Variants in ATP8A2 observed in about 807,000 individuals in gnomAD.
The protein encoded by ATP8A2 is phospholipid-transporting ATPase IB.
ATP8A2 carries 100 observed loss-of-function variants against 165.6 expected under a neutral mutation model. The ratio of observed to expected loss-of-function variants is 0.60; its 90% CI spans 0.51 to 0.71. ATP8A2 has a LOEUF of 0.71. Ranked by LOEUF, ATP8A2 falls within the 30% of genes least tolerant of loss-of-function variation. The pLI is 0.00. For synonymous variants in ATP8A2, 543 were observed against 548.8 expected, an observed-to-expected ratio of 0.99 and a Z score of 0.15; for missense variants, 1,227 against 1,479.5, an observed-to-expected ratio of 0.83 and a Z score of 2.80.
chr13:25,479,771 GACACAGC>G (rs1452195675), intron 2 of ATP8A2, among the ~76,000 whole-genome samples: 5 of 151,982 alleles, frequency 3.3e-5, no homozygotes, highest in African/African-American at 1.2e-4. Context: ...ACCCTGAGTG[GACACAGC>G]ACATGTTTCA....
Position 25,579,957 on chromosome 13 carries a change from C to T in ATP8A2, c.2007+10C>T, listed in dbSNP as rs748224970. Reference sequence around the variant, plus strand: ...CGAGATCATTGAGAAGGTAACCGCACACAATACAGTCTTTTCAGCTCCATG... The same window carrying T: ...CGAGATCATTGAGAAGGTAACCGCATACAATACAGTCTTTTCAGCTCCATG... On this transcript the variant is annotated intron_variant, in intron 22 of 36. Coordinates refer to ENST00000381655, the MANE Select transcript of ATP8A2 (RefSeq NM_016529.6). 2 of 1,613,764 alleles carry T rather than the reference C, an allele frequency of 1.2e-6. No individual in the cohort carries two copies. The highest frequency in any genetic ancestry group is 1.7e-6 in the Non-Finnish European group (2 of 1,179,842).
chr13:25,933,160 G>A (rs1377546365), intron 33 of ATP8A2, among the ~76,000 whole-genome samples: 8 of 152,166 alleles, frequency 5.3e-5, no homozygotes, highest in Admixed American at 4.6e-4. Flanking sequence ...TGCCCTGTGT[G>A]TGGATTTTTA....
chr13:25,876,753 G>C (rs542311241), intron 33 of ATP8A2, among the ~76,000 whole-genome samples: 1 of 152,246 alleles, frequency 6.6e-6, no homozygotes, highest in South Asian at 2.1e-4. Flanking sequence ...CGTTTAAAAT[G>C]AATCCTTAAT....
intron 1 of ATP8A2, among the ~76,000 whole-genome samples, chr13:25,446,374 T>C (rs933748526): frequency 2.0e-5 from 3 of 152,232 alleles, no homozygotes; most frequent in Non-Finnish European, 4.4e-5. Flanking sequence ...AATCTCTTCA[T>C]GTATCTGCTC....
chr13:25,711,781 T>C lies in ATP8A2; in HGVS notation c.2384+12436T>C, dbSNP rs80234251. The stretch of plus-strand genomic sequence containing the variant: ...GACTATGATCCAGATTTATAGTCAT[T>C]TAAGAGTTAGAATCTGTAATTCTTA... On this transcript the variant is annotated intron_variant, in intron 25 of 36. Coordinates refer to ENST00000381655, the MANE Select transcript of ATP8A2 (RefSeq NM_016529.6). Among the ~76,000 whole-genome samples, 76 of 152,276 alleles carry C rather than the reference T, an allele frequency of 5.0e-4. No homozygotes were observed. The Middle Eastern group carries it at 0.027, about 55-fold the overall frequency.
chr13:26,000,207 CTG>C (rs1956606064), intron 35 of ATP8A2, among the ~76,000 whole-genome samples: 4 of 152,172 alleles, frequency 2.6e-5, no homozygotes, highest in African/African-American at 4.8e-5. Context: ...CCTGTCACAT[CTG>C]TGTTTTGCAG....
chr13:25,648,891 A>G, intron 24 of ATP8A2: 1 of 407,206 alleles, frequency 2.5e-6, no homozygotes, highest in South Asian at 1.8e-5. Context: ...TTGAATCCAC[A>G]GATGTGGAAC....
At chr13:25,532,841 A>G (rs1052420840) in intron 5 of ATP8A2, among the ~76,000 whole-genome samples, 1 of 151,764 alleles carries the variant, frequency 6.6e-6, no homozygotes, top group Non-Finnish European at 1.5e-5. Flanking sequence ...TAATTTTTGT[A>G]TTTTTGGTAG....
chr13:25,933,821 G>A (rs1026150173), intron 33 of ATP8A2, among the ~76,000 whole-genome samples: 3 of 152,206 alleles, frequency 2.0e-5, no homozygotes, highest in Non-Finnish European at 4.4e-5. Flanking sequence ...GAGCTTGGCT[G>A]CAGCTAATTT....
intron 24 of ATP8A2, among the ~76,000 whole-genome samples, chr13:25,618,430 T>G (rs1377537093): frequency 2.6e-5 from 4 of 151,744 alleles, no homozygotes; most frequent in Non-Finnish European, 5.9e-5. Flanking sequence ...AGGAAAGATT[T>G]GTCATTTTCG....
At chr13:25,742,514 C>G (rs2138152438) in intron 25 of ATP8A2, among the ~76,000 whole-genome samples, 1 of 152,156 alleles carries the variant, frequency 6.6e-6, no homozygotes, top group East Asian at 1.9e-4. Context: ...AAAATGTTTT[C>G]TACTTCCTCC....
chr13:25,401,022 G>GA (rs2033619330), intron 1 of ATP8A2, among the ~76,000 whole-genome samples: 1 of 152,100 alleles, frequency 6.6e-6, no homozygotes, highest in African/African-American at 2.4e-5. Context: ...AAGTCTTGGG[G>GA]AATCATTTAT....
At chr13:25,564,483 A>G (rs1448564766) in intron 16 of ATP8A2, among the ~76,000 whole-genome samples, 1 of 152,172 alleles carries the variant, frequency 6.6e-6, no homozygotes, top group Non-Finnish European at 1.5e-5. Flanking sequence ...ATTTCTTTCA[A>G]CACTTTAGTC....
chr13:25,774,476 G>A (rs992760915), intron 26 of ATP8A2, among the ~76,000 whole-genome samples: 15 of 152,050 alleles, frequency 9.9e-5, no homozygotes, highest in African/African-American at 3.1e-4. Flanking sequence ...CCTAGGTGAC[G>A]GGTTGATAAC....
At chr13:25,634,125 A>G (rs2041313921) in intron 24 of ATP8A2, among the ~76,000 whole-genome samples, 2 of 152,238 alleles carry the variant, frequency 1.3e-5, no homozygotes, top group East Asian at 1.9e-4. Context: ...CAGGAAATGT[A>G]TGAATTTAAA....
In ATP8A2 at chr13:26,025,197, G is replaced by C. The variant is rs1262265538; in HGVS notation, c.*5212G>C. 6.7e-6 allele frequency: 1 copy of C among 150,056 alleles called. No individual in the cohort carries two copies. The highest frequency in any genetic ancestry group is 2.4e-5 in the African/African-American group (1 of 40,880). The allele number at this position is 150,056 out of a possible 1,614,324, so 9.3% of individuals were successfully genotyped here. A position where few individuals can be genotyped will look rare whatever the true frequency, so the allele number is the denominator to read the frequency against. On this transcript the variant is annotated 3_prime_UTR_variant, in exon 37 of 37. Coordinates refer to ENST00000381655, the MANE Select transcript of ATP8A2 (RefSeq NM_016529.6). Reference sequence around the variant, plus strand: ...TGGAATTTCTCTCCTTCCCTGCACAGTAAAGACTTTTGGGTTTTCATGGAT... The same window carrying C: ...TGGAATTTCTCTCCTTCCCTGCACACTAAAGACTTTTGGGTTTTCATGGAT...
chr13:25,486,535 GAA>G (rs1214907000), intron 2 of ATP8A2, among the ~76,000 whole-genome samples: 1 of 152,030 alleles, frequency 6.6e-6, no homozygotes, highest in Admixed American at 6.6e-5. Context: ...ACAACCATTA[GAA>G]AAAAATGAAG....
At chr13:25,803,504 G>A (rs1222259529) in intron 27 of ATP8A2, among the ~76,000 whole-genome samples, 2 of 152,170 alleles carry the variant, frequency 1.3e-5, no homozygotes, top group East Asian at 3.8e-4. Context: ...TATTTGTAAA[G>A]ATGTGGCCCA....
chr13:25,914,038 C>T (rs1954198402), intron 33 of ATP8A2, among the ~76,000 whole-genome samples: 1 of 152,206 alleles, frequency 6.6e-6, no homozygotes, highest in Non-Finnish European at 1.5e-5. Context: ...TCGTCATCAT[C>T]TCACTTGATG....
Sources: allele counts gnomAD v4.1 joint callset (sites outside exome capture counted in the v4.1 genomes callset), GRCh38; gene constraint gnomAD v4.1.1; transcripts MANE v1.5; gene names NCBI Gene and HGNC (gene_info 2026-07-23, HGNC 2026-07-21).